Variants in PCDHGB4 observed in about 807,000 individuals in gnomAD.
PCDHGB4 encodes the protein protocadherin gamma-B4.
Under a neutral mutation model 60.5 loss-of-function variants are expected in PCDHGB4, and 38 were observed. That is an observed-to-expected ratio of 0.63 (90% confidence interval 0.48 to 0.82). The LOEUF (loss-of-function observed/expected upper bound fraction) is 0.82, where lower values mean the gene tolerates loss of function less well. Among genes scored for constraint, PCDHGB4 ranks in the 40% least tolerant of loss-of-function variants. PCDHGB4 has a pLI of 0.00. For missense variants in PCDHGB4, 1,109 were observed against 1,209.6 expected, an observed-to-expected ratio of 0.92 and a Z score of 1.23; for synonymous variants, 456 against 509.7, an observed-to-expected ratio of 0.89 and a Z score of 1.42.
intron 1 of PCDHGB4, chr5:141,415,519 A>T: frequency 1.9e-6 from 3 of 1,614,182 alleles, no homozygotes; most frequent in Non-Finnish European, 2.5e-6. Context: ...TTATGCGGAC[A>T]CGCTCATCAG....
At chr5:141,418,802 T>C in intron 1 of PCDHGB4, 1 of 1,613,862 alleles carries the variant, frequency 6.2e-7, no homozygotes, top group Non-Finnish European at 8.5e-7. Flanking sequence ...AGTAGAAAGA[T>C]ATACGATAAA....
At position 141,410,457 on chromosome 5, in the gene PCDHGB4, A is replaced by G. The variant is rs372920524; in HGVS notation, c.2397+20176A>G. 1.2e-6 allele frequency: 2 copies of G among 1,614,044 alleles called. No homozygotes were observed. ...AGTGAGGGGACTTTGCCTTATTCTTATAATCTGTGCATTGCACATACGGGT... is the reference window on the plus strand; with the variant it reads ...AGTGAGGGGACTTTGCCTTATTCTTGTAATCTGTGCATTGCACATACGGGT... On this transcript the variant is annotated intron_variant, in intron 1 of 3. Transcript: ENST00000519479.
intron 1 of PCDHGB4, chr5:141,418,857 T>G (rs1378155402): frequency 6.2e-7 from 1 of 1,613,988 alleles, no homozygotes; most frequent in South Asian, 1.1e-5. Context: ...CGGTGTAAAG[T>G]AATTGTAGAA....
chr5:141,449,424 T>C (rs2098638345), intron 1 of PCDHGB4, among the ~76,000 whole-genome samples: 1 of 151,674 alleles, frequency 6.6e-6, no homozygotes, highest in Admixed American at 6.6e-5. Context: ...CTGGCCAACA[T>C]GATAAAACTC....
intron 1 of PCDHGB4, chr5:141,403,323 C>G: frequency 6.2e-7 from 1 of 1,613,958 alleles, no homozygotes; most frequent in Non-Finnish European, 8.5e-7. Flanking sequence ...ATAGAAGTAA[C>G]TGATATTAAC....
chr5:141,422,576 C>G (rs778942661), intron 1 of PCDHGB4: 1 of 1,614,034 alleles, frequency 6.2e-7, no homozygotes, highest in South Asian at 1.1e-5. Context: ...AACGATAACC[C>G]TCCCGTTTTT....
At chr5:141,415,688 T>C (rs373105795) in intron 1 of PCDHGB4, 1 of 1,546,006 alleles carries the variant, frequency 6.5e-7, no homozygotes, top group Admixed American at 2.0e-5. Context: ...GGCATGATGG[T>C]GGAAAGTGTA....
At chr5:141,501,871 C>T (rs562714939) in intron 2 of PCDHGB4, among the ~76,000 whole-genome samples, 3 of 152,244 alleles carry the variant, frequency 2.0e-5, no homozygotes, top group African/African-American at 7.2e-5. Context: ...CAGGACGCCT[C>T]CTTACACTCC....
At chr5:141,405,261 T>A (rs1445565178) in intron 1 of PCDHGB4, 1 of 1,613,852 alleles carries the variant, frequency 6.2e-7, no homozygotes, top group South Asian at 1.1e-5. Context: ...CACCTGATCT[T>A]CCCCCAGCCC....
chr5:141,393,776 C>T (rs752900835), intron 1 of PCDHGB4: 10 of 1,613,596 alleles, frequency 6.2e-6, no homozygotes, highest in South Asian at 5.5e-5. Context: ...AAATACAAGC[C>T]GAAGATGTGG....
chr5:141,475,116 C>G (rs1383017919), intron 1 of PCDHGB4, among the ~76,000 whole-genome samples: 2 of 152,128 alleles, frequency 1.3e-5, no homozygotes, highest in African/African-American at 4.8e-5. Context: ...GTAAATAGGC[C>G]TGGCTTTTTT....
intron 1 of PCDHGB4, among the ~76,000 whole-genome samples, chr5:141,444,257 C>T (rs376980362): frequency 1.2e-4 from 18 of 147,512 alleles, no homozygotes; most frequent in East Asian, 6.0e-4. Context: ...CTGCAACCTC[C>T]GCCTCCCAGG....
intron 2 of PCDHGB4, among the ~76,000 whole-genome samples, chr5:141,497,050 G>A (rs113054804): frequency 6.6e-5 from 10 of 152,096 alleles, no homozygotes; most frequent in East Asian, 5.8e-4. Context: ...TTAGCCAGGC[G>A]TGGTGGCAGG....
Position 141,388,948 on chromosome 5 carries a change from T to C in PCDHGB4, c.1064T>C (p.Met355Thr), listed in dbSNP as rs751779962. Residue 355 changes from methionine to threonine, a missense_variant, in exon 1 of 4, where the codon ATG (methionine) becomes ACG (threonine). Met to Thr is a moderately conservative substitution (Grantham distance 81). Coordinates refer to ENST00000519479, the MANE Select transcript of PCDHGB4 (RefSeq NM_003736.4). ...TTCCAGTCTCTACCCAACCTAATTATGGAGGACGCCGAGCTGGGAACACAT... is the reference window on the plus strand; with the variant it reads ...TTCCAGTCTCTACCCAACCTAATTACGGAGGACGCCGAGCTGGGAACACAT... ...VIFQSLPNLI[M>T]EDAELGTHIA... is the part of the protein sequence containing the mutation. 12 of 1,613,904 alleles carry C rather than the reference T, an allele frequency of 7.4e-6. No homozygotes were observed. The highest frequency in any genetic ancestry group is 1.7e-5 in the Admixed American group (1 of 60,014).
chr5:141,500,400 G>A (rs2099799942), intron 2 of PCDHGB4, among the ~76,000 whole-genome samples: 1 of 151,666 alleles, frequency 6.6e-6, no homozygotes, highest in East Asian at 1.9e-4. Context: ...TAGTAGAGAC[G>A]GGGTTTCACC....
In PCDHGB4 at chr5:141,485,099, G is replaced by T; in HGVS notation, c.2398-9708G>T. The T allele has an allele frequency of 8.7e-7, 1 of 1,145,218 alleles. No individual in the cohort carries two copies. Among genetic ancestry groups the T allele is most frequent in the Non-Finnish European group, 1.3e-6 (1 of 775,682 alleles). 70.9% of individuals were successfully genotyped at this position (1,145,218 alleles called of 1,614,324 possible). A position where few individuals can be genotyped will look rare whatever the true frequency, so the allele number is the denominator to read the frequency against. ...GGGGAAAGGGAGATAGGTGTCTCCA[G>T]CTGCTGTGGCTGTTTGGGGCGGGTC... On this transcript the variant is annotated intron_variant, in intron 1 of 3. Transcript: ENST00000519479. The surrounding 1 kb of genome is among the most constrained non-coding windows in gnomAD (Gnocchi z 5.7).
rs1399367534 is a variant in PCDHGB4 at position 141,487,098 on chromosome 5, A to G, written c.2398-7709A>G. 6.2e-7 allele frequency: 1 copy of G among 1,613,778 alleles called. No homozygotes were observed. The highest frequency in any genetic ancestry group is 8.5e-7 in the Non-Finnish European group (1 of 1,179,788). On this transcript the variant is annotated intron_variant, in intron 1 of 3. Transcript: ENST00000519479. The surrounding 1 kb of genome is among the most constrained non-coding windows in gnomAD (Gnocchi z 5.0). ...ATCCCAGCTGACCTCCCACCACAGA[A>G]GCTGGTCATTGTGGTAAAGGATAGT...
chr5:141,421,379 AGGACCTGGGGCT>A, intron 1 of PCDHGB4: 1 of 1,614,054 alleles, frequency 6.2e-7, no homozygotes, highest in South Asian at 1.1e-5. Context: ...AATATCTCCA[AGGACCTGGGGCT>A]GGAGCCCCGG....
At chr5:141,395,109 A>G (rs1181706209) in intron 1 of PCDHGB4, 1 of 1,614,092 alleles carries the variant, frequency 6.2e-7, no homozygotes, top group Admixed American at 1.7e-5. Context: ...CTCGCGGAAG[A>G]GTCACCTGAT....
Sources: gnomAD v4.1 joint callset for allele counts (sites outside exome capture counted in the v4.1 genomes callset) on GRCh38, gnomAD v4.1.1 for gene constraint, Gnocchi (gnomAD v3.1) non-coding constraint, MANE v1.5 for transcripts, NCBI Gene and HGNC (gene_info 2026-07-23, HGNC 2026-07-21) for gene names.